Variants in SCAI observed in about 807,000 individuals in gnomAD.
SCAI encodes the protein suppressor of cancer cell invasion.
Under a neutral mutation model 92.2 loss-of-function variants are expected in SCAI, and 24 were observed. The ratio of observed to expected loss-of-function variants is 0.26; its 90% confidence interval spans 0.19 to 0.37. The LOEUF is 0.37. Among genes scored for constraint, SCAI ranks in the 10% least tolerant of loss-of-function variants. The pLI is 1.00. For missense variants in SCAI, 450 were observed against 736.2 expected (o/e 0.61, Z 4.50); for synonymous variants, 261 against 258.6 (o/e 1.01, Z -0.09).
At chr9:124,980,546 T>C (rs1178955623) in intron 14 of SCAI, among the ~76,000 whole-genome samples, 1 of 152,150 alleles carries the variant, frequency 6.6e-6, no homozygotes, top group Admixed American at 6.5e-5. Context: ...GTGTAGCATT[T>C]TGTTAAGAGC....
intron 14 of SCAI, among the ~76,000 whole-genome samples, chr9:124,976,817 C>G (rs1440180303): frequency 1.3e-5 from 2 of 151,252 alleles, no homozygotes; most frequent in African/African-American, 4.8e-5. Context: ...AATCAAACAA[C>G]AAAAACATTT....
intron 2 of SCAI, among the ~76,000 whole-genome samples, chr9:125,063,477 CTACAATA>C (rs1171024086): frequency 6.6e-6 from 1 of 151,128 alleles, no homozygotes; most frequent in Non-Finnish European, 1.5e-5. Flanking sequence ...ATGTCAGTAG[CTACAATA>C]TATTTTAATG....
intron 2 of SCAI, among the ~76,000 whole-genome samples, chr9:125,108,275 G>A (rs1360819326): frequency 6.6e-6 from 1 of 152,122 alleles, no homozygotes; most frequent in Admixed American, 6.5e-5. Context: ...AGTGAGGAGC[G>A]TCTCTGCCTG....
chr9:125,125,519 C>T (rs1159210984), intron 2 of SCAI, among the ~76,000 whole-genome samples: 2 of 147,074 alleles, frequency 1.4e-5, no homozygotes, highest in Non-Finnish European at 3.0e-5. Flanking sequence ...CAGAGTGATA[C>T]TCCATCTCCA....
At chr9:125,009,977 G>A (rs1441868449) in intron 9 of SCAI, among the ~76,000 whole-genome samples, 5 of 152,150 alleles carry the variant, frequency 3.3e-5, no homozygotes, top group East Asian at 3.9e-4. Context: ...CGCAGATCAC[G>A]AGGTCAGGAG....
intron 9 of SCAI, among the ~76,000 whole-genome samples, chr9:125,006,577 T>C (rs1185331840): frequency 6.6e-6 from 1 of 152,116 alleles, no homozygotes. Flanking sequence ...CTGCAACCTC[T>C]GCCTCCCGGG....
intron 17 of SCAI, among the ~76,000 whole-genome samples, chr9:124,959,841 A>G (rs1831405221): frequency 6.6e-6 from 1 of 152,102 alleles, no homozygotes; most frequent in African/African-American, 2.4e-5. Flanking sequence ...CACCTTCATC[A>G]ATGTCCCCAC....
chr9:125,018,775 C>CAT, intron 9 of SCAI, 24 bp downstream of exon 9: 1 of 1,581,638 alleles, frequency 6.3e-7, no homozygotes, highest in Non-Finnish European at 8.6e-7. Context: ...GAATTTTAAG[C>CAT]ATAATTCCTT....
At chr9:124,993,294 A>C (rs1037507954) in intron 14 of SCAI, among the ~76,000 whole-genome samples, 9 of 152,266 alleles carry the variant, frequency 5.9e-5, no homozygotes, top group African/African-American at 2.2e-4. Flanking sequence ...ACAATTTAAG[A>C]AAGTACACTG....
intron 1 of SCAI, among the ~76,000 whole-genome samples, chr9:125,142,934 C>T (rs1318043586): frequency 6.6e-6 from 1 of 151,868 alleles, no homozygotes; most frequent in Non-Finnish European, 1.5e-5. Context: ...GACCCCTGCT[C>T]GTCACAGCCC....
In SCAI at chr9:124,959,523, C is replaced by CATATATATACACACATAT. The variant is rs1831395847; in HGVS notation, c.1675-6588_1675-6571dup. ...ATATACACATATATATATATACACA[C>CATATATATACACACATAT]ATATATATACACACATATATATATA... On this transcript the variant is annotated intron_variant, in intron 17 of 17. Coordinates refer to ENST00000336505, the MANE Select transcript of SCAI (RefSeq NM_001144877.3). Among the ~76,000 whole-genome samples, 12 of 144,932 alleles carry CATATATATACACACATAT rather than the reference C, an allele frequency of 8.3e-5. No homozygotes were observed. In the South Asian group the frequency reaches 2.1e-3, roughly 26 times the overall value.
intron 2 of SCAI, among the ~76,000 whole-genome samples, chr9:125,068,141 T>C (rs1833908574): frequency 6.6e-6 from 1 of 152,246 alleles, no homozygotes; most frequent in South Asian, 2.1e-4. Context: ...AACACTTAGT[T>C]ATGTGATTTT....
intron 2 of SCAI, among the ~76,000 whole-genome samples, chr9:125,126,537 C>T (rs975913145): frequency 7.0e-6 from 1 of 142,930 alleles, no homozygotes; most frequent in Non-Finnish European, 1.5e-5. Flanking sequence ...CAGCTAGCCT[C>T]CCGCAAAGTG....
At chr9:125,101,181 C>G (rs1172704803) in intron 2 of SCAI, among the ~76,000 whole-genome samples, 1 of 152,136 alleles carries the variant, frequency 6.6e-6, no homozygotes, top group Non-Finnish European at 1.5e-5. Flanking sequence ...ATGTAGGCCA[C>G]TGAAAAGCCT....
At chr9:124,978,845 A>T (rs1276265717) in intron 14 of SCAI, among the ~76,000 whole-genome samples, 1 of 152,140 alleles carries the variant, frequency 6.6e-6, no homozygotes, top group Non-Finnish European at 1.5e-5. Flanking sequence ...ATGAACAGGT[A>T]TGAAGGGTCA....
chr9:125,022,578 A>G (rs1832890980), intron 6 of SCAI, among the ~76,000 whole-genome samples: 1 of 151,882 alleles, frequency 6.6e-6, no homozygotes. Context: ...TGCCTGGGTA[A>G]TTTTTTTATT....
chr9:125,023,653 A>T (rs999675915), intron 6 of SCAI, among the ~76,000 whole-genome samples: 4 of 151,982 alleles, frequency 2.6e-5, no homozygotes, highest in African/African-American at 9.7e-5. Flanking sequence ...CCCTTTTTAC[A>T]ACCCTTTGAA....
intron 2 of SCAI, among the ~76,000 whole-genome samples, chr9:125,132,117 C>CTT (rs758872012): frequency 2.1e-5 from 3 of 142,914 alleles, no homozygotes; most frequent in Non-Finnish European, 3.1e-5. Flanking sequence ...TTCTTTTTTC[C>CTT]TTTTTTTTTT....
At chr9:125,109,689 CTATG>C (rs1554792317) in intron 2 of SCAI, among the ~76,000 whole-genome samples, 40 of 148,512 alleles carry the variant, frequency 2.7e-4, no homozygotes, top group African/African-American at 4.4e-4. Context: ...ATCTATCTAT[CTATG>C]TATTTATTTT....
Sources: gnomAD v4.1 joint callset for allele counts (sites outside exome capture counted in the v4.1 genomes callset) on GRCh38, gnomAD v4.1.1 for gene constraint, MANE v1.5 for transcripts, NCBI Gene and HGNC (gene_info 2026-07-23, HGNC 2026-07-21) for gene names.